Variants in SORBS2 observed in about 807,000 individuals in gnomAD.
The protein encoded by SORBS2 is sorbin and SH3 domain containing 2, also known as sorbin and SH3 domain-containing protein 2.
Under a neutral mutation model 97.7 loss-of-function variants are expected in SORBS2, and 46 were observed. The observed-to-expected ratio is 0.47, with a 90% CI of 0.37 to 0.60. The LOEUF (loss-of-function observed/expected upper bound fraction) is 0.60, where lower values mean the gene tolerates loss of function less well. Among genes scored for constraint, SORBS2 ranks in the 20% least tolerant of loss-of-function variants. The probability of loss-of-function intolerance (pLI) is 0.00; values close to 1 mark genes in which losing one functional copy is unlikely to be tolerated. For missense variants in SORBS2, 1,316 were observed against 1,282.3 expected, an observed-to-expected ratio of 1.03 and a Z score of -0.40; for synonymous variants, 476 against 473.4, an observed-to-expected ratio of 1.01 and a Z score of -0.07.
At chr4:185,795,279 C>T (rs552278461) in intron 1 of SORBS2, among the ~76,000 whole-genome samples, 4 of 152,302 alleles carry the variant, frequency 2.6e-5, no homozygotes, top group South Asian at 2.1e-4. Context: ...TCCAATCTCA[C>T]ATCCTACACC....
chr4:185,912,455 G>T (rs559093791), intron 1 of SORBS2, among the ~76,000 whole-genome samples: 1 of 151,072 alleles, frequency 6.6e-6, no homozygotes, highest in Non-Finnish European at 1.5e-5. Context: ...TGTGGTGGTG[G>T]GCACCTGTAA....
At chr4:185,907,944 G>T (rs761540619) in intron 1 of SORBS2, among the ~76,000 whole-genome samples, 1 of 152,028 alleles carries the variant, frequency 6.6e-6, no homozygotes, top group South Asian at 2.1e-4. Flanking sequence ...TCCCAGAATT[G>T]TGTTCCCAAC....
chr4:185,756,719 CTTTTTTT>C (rs56955640), intron 2 of SORBS2, among the ~76,000 whole-genome samples: 8 of 131,582 alleles, frequency 6.1e-5, no homozygotes, highest in African/African-American at 2.3e-4. Flanking sequence ...ACTGTTAAAG[CTTTTTTT>C]TTTTTTTTTT....
intron 4 of SORBS2, among the ~76,000 whole-genome samples, chr4:185,676,088 C>A (rs536996608): frequency 8.7e-4 from 132 of 152,282 alleles, no homozygotes; most frequent in African/African-American, 3.0e-3. Flanking sequence ...TTAACACTAG[C>A]GCTGTTGCTG....
upstream of SORBS2, among the ~76,000 whole-genome samples, chr4:185,660,820 T>C (rs537950623): frequency 2.6e-4 from 40 of 152,306 alleles, no homozygotes; most frequent in African/African-American, 9.4e-4. Context: ...AGGTGCAGGA[T>C]GGTGCTGCTG....
At chr4:185,951,145 T>A (rs2099277043) in intron 1 of SORBS2, among the ~76,000 whole-genome samples, 1 of 152,194 alleles carries the variant, frequency 6.6e-6, no homozygotes, top group African/African-American at 2.4e-5. Flanking sequence ...TTAACAGGAT[T>A]TAGAATCACA....
At chr4:185,899,572 G>T (rs571938520) in intron 1 of SORBS2, among the ~76,000 whole-genome samples, 7 of 152,130 alleles carry the variant, frequency 4.6e-5, no homozygotes, top group Admixed American at 6.5e-5. Context: ...ACCCTGACAG[G>T]CATACTCAGC....
chr4:185,587,715 G>C (rs767428642), intron 14 of SORBS2, 27 bp from the exon 27 acceptor site: 3 of 1,575,138 alleles, frequency 1.9e-6, no homozygotes, highest in East Asian at 2.2e-5. Context: ...GTCATGAAAG[G>C]GGGGTGACAA....
intron 1 of SORBS2, among the ~76,000 whole-genome samples, chr4:185,873,238 C>G (rs2099231396): frequency 6.6e-6 from 1 of 152,182 alleles, no homozygotes; most frequent in Non-Finnish European, 1.5e-5. Flanking sequence ...TGAATCTTTT[C>G]TGACACACCG....
chr4:185,626,852 G>A (rs775485117), exon 6 of SORBS2: 5 of 1,614,226 alleles, frequency 3.1e-6, no homozygotes, highest in Non-Finnish European at 3.4e-6. Flanking sequence ...TGATGGGGAA[G>A]AAGGAGAAGA....
rs571248809 is a variant in SORBS2 at position 185,875,563 on chromosome 4, T to TA, written c.-338+80632dup. ...CTTTTCATTTTACAGTGCTTAGTTT[T>TA]AAAAAATTATGCACATAATCTATGA... On this transcript the variant is annotated intron_variant, in intron 1 of 20. Transcript: ENST00000284776. 1.1e-4 allele frequency among the ~76,000 whole-genome samples: 17 copies of TA among 152,354 alleles called. No homozygotes were observed. In the East Asian group the frequency reaches 3.1e-3, roughly 28 times the overall value.
intron 4 of SORBS2, among the ~76,000 whole-genome samples, chr4:185,669,762 G>A (rs1004758270): frequency 2.6e-5 from 4 of 152,176 alleles, no homozygotes; most frequent in South Asian, 2.1e-4. Flanking sequence ...TAGGAAAAGA[G>A]AGTCTGGGTC....
At chr4:185,612,692 G>T (rs907492261) in intron 11 of SORBS2, among the ~76,000 whole-genome samples, 2 of 152,046 alleles carry the variant, frequency 1.3e-5, no homozygotes, top group African/African-American at 4.8e-5. Flanking sequence ...GTTTCACCAT[G>T]TTGGTCAGGC....
intron 1 of SORBS2, among the ~76,000 whole-genome samples, chr4:185,938,062 T>G (rs2099269867): frequency 6.9e-6 from 1 of 143,990 alleles, no homozygotes; most frequent in Non-Finnish European, 1.5e-5. Context: ...CAGGCTGGAG[T>G]GCAGTGGCAT....
At chr4:185,647,678 C>T (rs2097235511) in intron 3 of SORBS2, among the ~76,000 whole-genome samples, 1 of 152,128 alleles carries the variant, frequency 6.6e-6, no homozygotes, top group Admixed American at 6.5e-5. Flanking sequence ...TAGGGACAAG[C>T]CCTAGCTTTC....
intron 1 of SORBS2, among the ~76,000 whole-genome samples, chr4:185,803,448 C>T (rs1046231686): frequency 6.6e-5 from 10 of 152,120 alleles, no homozygotes; most frequent in Non-Finnish European, 1.0e-4. Context: ...AATCATTTTA[C>T]CAGATAACCG....
intron 12 of SORBS2, among the ~76,000 whole-genome samples, chr4:185,610,351 A>G (rs2096513824): frequency 6.6e-6 from 1 of 152,190 alleles, no homozygotes; most frequent in South Asian, 2.1e-4. Context: ...AATAGAAAAT[A>G]CTGAAGGAAG....
intron 1 of SORBS2, among the ~76,000 whole-genome samples, chr4:185,808,029 T>C (rs1382271733): frequency 1.3e-5 from 2 of 152,214 alleles, no homozygotes; most frequent in African/African-American, 4.8e-5. Flanking sequence ...AATTACTATA[T>C]GCAATTTAAA....
rs148214681 is a variant in SORBS2, at chr4:185,944,505, C to T, written c.-338+11691G>A. Among the ~76,000 whole-genome samples, 1,037 of 152,284 alleles carry T rather than the reference C, an allele frequency of 6.8e-3. 2 individuals carry two copies. Among genetic ancestry groups the T allele is most frequent in the Middle Eastern group, 0.01 (3 of 294 alleles). On this transcript the variant is annotated intron_variant, in intron 1 of 20. Transcript: ENST00000284776. Reference sequence around the variant, plus strand: ...TAGAGACTATAAAGACACAACACATCTAAAATTTGGATCTGAAATGCATAG... The same window carrying T: ...TAGAGACTATAAAGACACAACACATTTAAAATTTGGATCTGAAATGCATAG...
Sources: gnomAD v4.1 joint callset for allele counts (sites outside exome capture counted in the v4.1 genomes callset) on GRCh38, gnomAD v4.1.1 for gene constraint, MANE v1.5 for transcripts, NCBI Gene and HGNC (gene_info 2026-07-23, HGNC 2026-07-21) for gene names.